SORCS2: variants seen among roughly 807,000 people sequenced by gnomAD.
SORCS2 encodes the protein VPS10 domain-containing receptor SorCS2.
In SORCS2, 100 loss-of-function variants were observed where a neutral mutation model predicts 141.6. The ratio of observed to expected loss-of-function variants is 0.71; its 90% confidence interval spans 0.60 to 0.83. SORCS2 has a LOEUF of 0.83. Ranked by LOEUF, SORCS2 falls within the 40% of genes least tolerant of loss-of-function variation. SORCS2 has a pLI of 0.00. For missense variants in SORCS2, 1,646 were observed against 1,560.2 expected, an observed-to-expected ratio of 1.05 and a Z score of -0.93; for synonymous variants, 789 against 676.9, an observed-to-expected ratio of 1.17 and a Z score of -2.57.
At chr4:7,550,346 C>T (rs1422319306) in intron 3 of SORCS2, among the ~76,000 whole-genome samples, 1 of 152,134 alleles carries the variant, frequency 6.6e-6, no homozygotes, top group Non-Finnish European at 1.5e-5. Context: ...GGGCCATCTG[C>T]AGAGGACAAC....
chr4:7,542,052 A>C (rs1712717158), intron 3 of SORCS2, among the ~76,000 whole-genome samples: 1 of 152,218 alleles, frequency 6.6e-6, no homozygotes, highest in South Asian at 2.1e-4. Context: ...GCAATTGCCC[A>C]GCAGAGCTCC....
chr4:7,721,911 C>T (rs1726613180), intron 18 of SORCS2, among the ~76,000 whole-genome samples: 3 of 152,102 alleles, frequency 2.0e-5, no homozygotes, highest in Admixed American at 2.0e-4. Context: ...CTTTAAGCAC[C>T]AGTAATAATA....
chr4:7,281,967 C>G (rs1250674558), intron 1 of SORCS2, among the ~76,000 whole-genome samples: 1 of 152,230 alleles, frequency 6.6e-6, no homozygotes, highest in Non-Finnish European at 1.5e-5. Context: ...GTGATGGAAA[C>G]TCCACGCACC....
At position 7,423,898 on chromosome 4, in the gene SORCS2, G is replaced by A. The variant is rs149846432; in HGVS notation, c.548+27543G>A. ...AAGTTCTCCCACCGTGGCGGCCAGC[G>A]TCAAGCTGCCAAAGTGACATCATCA... On this transcript the variant is annotated intron_variant, in intron 2 of 26. Coordinates refer to ENST00000507866, the MANE Select transcript of SORCS2 (RefSeq NM_020777.3). Among the ~76,000 whole-genome samples the A allele has an allele frequency of 7.0e-4, 107 of 152,322 alleles. 1 individual carries two copies. Among genetic ancestry groups the A allele is most frequent in the African/African-American group, 2.5e-3 (103 of 41,572 alleles).
At chr4:7,592,487 C>A (rs1043853854) in intron 3 of SORCS2, among the ~76,000 whole-genome samples, 1 of 152,206 alleles carries the variant, frequency 6.6e-6, no homozygotes, top group South Asian at 2.1e-4. Context: ...CTTCCCCAGC[C>A]CCCTTACAGC....
intron 2 of SORCS2, among the ~76,000 whole-genome samples, chr4:7,474,604 G>A (rs533590317): frequency 2.0e-4 from 31 of 152,264 alleles, no homozygotes; most frequent in Admixed American, 1.7e-3. Context: ...GGCCCAGTTC[G>A]GAAGCCCAGT....
intron 1 of SORCS2, among the ~76,000 whole-genome samples, chr4:7,282,644 G>C (rs1165488743): frequency 6.6e-6 from 1 of 152,204 alleles, no homozygotes; most frequent in East Asian, 1.9e-4. Flanking sequence ...GCTGGTCTTT[G>C]GGTGGTGTCA....
chr4:7,726,754 C>A, intron 20 of SORCS2, 26 bp from the exon 21 acceptor site: 4 of 1,611,182 alleles, frequency 2.5e-6, no homozygotes, highest in Middle Eastern at 1.7e-4. Flanking sequence ...TCGGCCAGGC[C>A]CCTAAGCCCT....
rs561604195 is a variant in SORCS2, at chr4:7,387,482, C to A, written c.481-8806C>A. Among the ~76,000 whole-genome samples the A allele has an allele frequency of 8.8e-3, 1,056 of 119,494 alleles. 12 individuals carry two copies. Among genetic ancestry groups the A allele is most frequent in the Non-Finnish European group, 9.9e-3 (555 of 55,956 alleles). 78.4% of individuals were successfully genotyped at this position (119,494 alleles called of 152,430 possible). A position where few individuals can be genotyped will look rare whatever the true frequency, so the allele number is the denominator to read the frequency against. On this transcript the variant is annotated intron_variant, in intron 1 of 26. Coordinates refer to ENST00000507866, the MANE Select transcript of SORCS2 (RefSeq NM_020777.3). The stretch of plus-strand genomic sequence containing the variant: ...ACACAGATACAGAGATACACATGCA[C>A]ATACATACACATGCACACAAATACA...
intron 1 of SORCS2, among the ~76,000 whole-genome samples, chr4:7,273,212 A>G (rs1023769916): frequency 5.3e-5 from 8 of 152,254 alleles, no homozygotes; most frequent in African/African-American, 1.7e-4. Flanking sequence ...CATATCAAGG[A>G]AAATGAAGAG....
chr4:7,401,224 T>A (rs1466709620), intron 2 of SORCS2, among the ~76,000 whole-genome samples: 1 of 151,392 alleles, frequency 6.6e-6, no homozygotes, highest in Non-Finnish European at 1.5e-5. Context: ...GGTGGGTGGA[T>A]GGATGGATGG....
At chr4:7,394,366 T>C (rs1245744351) in intron 1 of SORCS2, among the ~76,000 whole-genome samples, 2 of 141,692 alleles carry the variant, frequency 1.4e-5, no homozygotes, top group African/African-American at 2.6e-5. Flanking sequence ...AAGCAGACCC[T>C]GTGAGCTGTG....
chr4:7,232,089 CG>C (rs1452937424), intron 1 of SORCS2, among the ~76,000 whole-genome samples: 1 of 152,156 alleles, frequency 6.6e-6, no homozygotes, highest in Non-Finnish European at 1.5e-5. Context: ...ATGGCTTCTG[CG>C]GAGGGTGGTG....
At chr4:7,374,678 G>A (rs1722517825) in intron 1 of SORCS2, among the ~76,000 whole-genome samples, 1 of 152,090 alleles carries the variant, frequency 6.6e-6, no homozygotes, top group African/African-American at 2.4e-5. Context: ...CCCGATCGCT[G>A]AACAGCCCAC....
intron 2 of SORCS2, among the ~76,000 whole-genome samples, chr4:7,499,069 A>C (rs927188805): frequency 7.7e-5 from 11 of 143,394 alleles, no homozygotes; most frequent in Admixed American, 6.9e-4. Flanking sequence ...TCACGTGTGC[A>C]TATGTGGGAG....
At chr4:7,225,820 A>T (rs886769316) in intron 1 of SORCS2, among the ~76,000 whole-genome samples, 1 of 152,080 alleles carries the variant, frequency 6.6e-6, no homozygotes, top group African/African-American at 2.4e-5. Flanking sequence ...TGGTGTCCGT[A>T]CAGCAGTGGG....
At position 7,663,927 on chromosome 4, in the gene SORCS2, T is replaced by C. The variant is rs1195299704; in HGVS notation, c.953-426T>C. ...GCATGCATTCAGTATTGCTCAACCA[T>C]AAATATTTGGAAAAGGGTAGAAGCA... On this transcript the variant is annotated intron_variant, in intron 6 of 26. Transcript: ENST00000507866. The surrounding 1 kb of genome is among the most constrained non-coding windows in gnomAD (Gnocchi z 4.8). Among the ~76,000 whole-genome samples the C allele has an allele frequency of 1.3e-5, 2 of 152,108 alleles. No individual in the cohort carries two copies. The highest frequency in any genetic ancestry group is 2.9e-5 in the Non-Finnish European group (2 of 68,012).
chr4:7,731,849 A>G (rs1450442678), intron 23 of SORCS2, among the ~76,000 whole-genome samples: 2 of 152,244 alleles, frequency 1.3e-5, no homozygotes, highest in African/African-American at 4.8e-5. Context: ...ATCTGTAAAA[A>G]CACCAAAAGA....
chr4:7,298,994 T>A (rs1361339132), intron 1 of SORCS2, among the ~76,000 whole-genome samples: 1 of 152,218 alleles, frequency 6.6e-6, no homozygotes, highest in Non-Finnish European at 1.5e-5. Context: ...GCAGGATTAG[T>A]GGGGCATTAG....
Sources: allele counts gnomAD v4.1 joint callset (sites outside exome capture counted in the v4.1 genomes callset), GRCh38; gene constraint gnomAD v4.1.1; non-coding constraint Gnocchi (gnomAD v3.1); transcripts MANE v1.5; gene names NCBI Gene and HGNC (gene_info 2026-07-23, HGNC 2026-07-21).